Variants in GPI observed in about 807,000 individuals in gnomAD.
The protein encoded by GPI is glucose-6-phosphate isomerase.
A neutral mutation model predicts 75.8 loss-of-function variants in GPI; 56 were observed. The observed-to-expected ratio is 0.74, with a 90% CI of 0.60 to 0.92. GPI has a LOEUF of 0.92. GPI is among the 40% of genes least tolerant of loss of function. The pLI is 0.00. For synonymous variants in GPI, 288 were observed against 285.4 expected, an observed-to-expected ratio of 1.01 and a Z score of -0.09; for missense variants, 638 against 741.0, an observed-to-expected ratio of 0.86 and a Z score of 1.61.
intron 9 of GPI, among the ~76,000 whole-genome samples, chr19:34,387,110 G>T (rs1203010215): frequency 6.6e-6 from 1 of 152,226 alleles, no homozygotes; most frequent in African/African-American, 2.4e-5. Flanking sequence ...AGGGAACCGG[G>T]TCTGTCAGTC....
At position 34,393,491 on chromosome 19, in the gene GPI, T is replaced by C. The variant is rs2074896740; in HGVS notation, c.865+183T>C. 2 of 729,284 alleles carry C rather than the reference T, an allele frequency of 2.7e-6. No homozygotes were observed. Among genetic ancestry groups the C allele is most frequent in the East Asian group, 2.7e-5 (1 of 37,362 alleles). 45.2% of individuals were successfully genotyped at this position (729,284 alleles called of 1,614,324 possible). On this transcript the variant is annotated intron_variant, in intron 10 of 17. Transcript: ENST00000356487. The surrounding 1 kb of genome is among the most constrained non-coding windows in gnomAD (Gnocchi z 4.4). ...TCTGGGTTTTTTTGCGTGTGCAAGT[T>C]GGCCCCCGTCTTTGCCCCTCACAAC...
At position 34,368,629 on chromosome 19, in the gene GPI, C is replaced by G; in HGVS notation, c.329C>G (p.Pro110Arg). 1 of 1,613,946 alleles carries G rather than the reference C, an allele frequency of 6.2e-7. No individual in the cohort carries two copies. Among genetic ancestry groups the G allele is most frequent in the South Asian group, 1.1e-5 (1 of 91,074 alleles). Residue 110 changes from proline to arginine, a missense_variant, in exon 4 of 18, where the codon CCC (proline) becomes CGC (arginine). Pro to Arg is a moderately radical substitution (Grantham distance 103). Transcript: ENST00000356487. ...HVALRNRSNT[P>R]ILVDGKDVMP... ...GCTCTGCGGAACCGGTCAAACACACCCATCCTGGTAGACGGCAAGGATGTG... is the reference window on the plus strand; with the variant it reads ...GCTCTGCGGAACCGGTCAAACACACGCATCCTGGTAGACGGCAAGGATGTG...
intron 4 of GPI, among the ~76,000 whole-genome samples, chr19:34,369,443 A>G (rs1022819241): frequency 2.0e-5 from 3 of 152,124 alleles, no homozygotes; most frequent in African/African-American, 7.2e-5. Context: ...GCGATGGCTC[A>G]TGCCTGTGAT....
In GPI at chr19:34,400,092, T is replaced by A; in HGVS notation, c.*56T>A. On this transcript the variant is annotated 3_prime_UTR_variant, in exon 18 of 18. Transcript: ENST00000356487. ...CTCCCCTTTCTCTTCTCGTCCCTCC[T>A]CCCCGGAGCCGGCACTGCATGTTCC... The A allele has an allele frequency of 6.3e-7, 1 of 1,579,156 alleles. No homozygotes were observed. Among genetic ancestry groups the A allele is most frequent in the Non-Finnish European group, 8.6e-7 (1 of 1,160,990 alleles).
chr19:34,366,052 C>T (rs1400270404), intron 1 of GPI: 1 of 632,510 alleles, frequency 1.6e-6, no homozygotes, highest in Admixed American at 2.1e-5. Context: ...GAGTAACTTA[C>T]GGCAGAAAGT....
At chr19:34,397,729 A>T (rs940199766) in intron 14 of GPI, 3 of 149,962 alleles carry the variant, frequency 2.0e-5, no homozygotes, top group Non-Finnish European at 4.4e-5. Context: ...CTGGTCTCCA[A>T]CTCCTGGGCT....
chr19:34,386,868 C>G lies in GPI; in HGVS notation c.804+5349C>G, dbSNP rs142585929. 6.4e-3 allele frequency among the ~76,000 whole-genome samples: 978 copies of G among 151,932 alleles called. 8 individuals are homozygous for G. The highest frequency in any genetic ancestry group is 0.046 in the South Asian group (219 of 4,804). On this transcript the variant is annotated intron_variant, in intron 9 of 17. Coordinates refer to ENST00000356487, the MANE Select transcript of GPI (RefSeq NM_000175.5). ...GTGGGTTAGTCACAAGTTGGTAGAA[C>G]TACGCATCTCAGCTGGGGAGCACAG...
Position 34,381,363 on chromosome 19 carries a change from G to A in GPI, c.751-103G>A, listed in dbSNP as rs539695075. Reference sequence around the variant, plus strand: ...CATCCCTGGCTCTGGGGAAGGTGAGGCTCAGCTCACGGAGCACAGCTCCCT... The same window carrying A: ...CATCCCTGGCTCTGGGGAAGGTGAGACTCAGCTCACGGAGCACAGCTCCCT... On this transcript the variant is annotated intron_variant, in intron 8 of 17. Coordinates refer to ENST00000356487, the MANE Select transcript of GPI (RefSeq NM_000175.5). 14 of 829,832 alleles carry A rather than the reference G, an allele frequency of 1.7e-5. No individual in the cohort carries two copies. In the Admixed American group the frequency reaches 1.7e-4, roughly 10 times the overall value. The allele number at this position is 829,832 out of a possible 1,614,324, so 51.4% of individuals were successfully genotyped here. A position where few individuals can be genotyped will look rare whatever the true frequency, so the allele number is the denominator to read the frequency against.
At chr19:34,380,259 G>A (rs1008606937) in intron 8 of GPI, among the ~76,000 whole-genome samples, 1 of 151,370 alleles carries the variant, frequency 6.6e-6, no homozygotes, top group African/African-American at 2.4e-5. Context: ...GCCTCCCAAA[G>A]TGCTGGGATT....
At chr19:34,371,820 A>G (rs1231872594) in intron 4 of GPI, among the ~76,000 whole-genome samples, 2 of 150,376 alleles carry the variant, frequency 1.3e-5, no homozygotes, top group Non-Finnish European at 3.0e-5. Flanking sequence ...ACGCCACTGC[A>G]CTCCAGCTTG....
chr19:34,379,109 A>G, intron 7 of GPI, 104 bp downstream of exon 7: 2 of 1,018,476 alleles, frequency 2.0e-6, no homozygotes, highest in South Asian at 1.3e-5. Flanking sequence ...TGAAGTTGGA[A>G]GTGAAGGCGG....
chr19:34,396,032 G>A (rs899075261), intron 12 of GPI, among the ~76,000 whole-genome samples: 10 of 149,030 alleles, frequency 6.7e-5, no homozygotes, highest in South Asian at 4.4e-4. Context: ...TCCGCCTCCC[G>A]GGTTCAAGCG....
intron 15 of GPI, 109 bp from the exon 16 acceptor site, chr19:34,399,447 C>A: frequency 6.4e-7 from 1 of 1,565,516 alleles, no homozygotes; most frequent in Non-Finnish European, 8.8e-7. Context: ...AATGGGAGGG[C>A]CTGTCCTCAC....
intron 15 of GPI, 72 bp downstream of exon 15, chr19:34,399,407 G>A: frequency 6.3e-6 from 10 of 1,594,656 alleles, no homozygotes; most frequent in African/African-American, 1.3e-5. Flanking sequence ...ACCAGGCAGG[G>A]GCTTGGGGCG....
upstream of GPI, chr19:34,359,978 A>C (rs575593627): frequency 2.0e-5 from 3 of 152,340 alleles, no homozygotes; most frequent in East Asian, 5.8e-4. Flanking sequence ...AATCTTTGCT[A>C]TCCAGAGTTA....
rs544553491 is a variant in GPI at position 34,400,266 on chromosome 19, C to A, written c.*230C>A. 11 of 612,328 alleles carry A rather than the reference C, an allele frequency of 1.8e-5. No individual in the cohort carries two copies. The East Asian group carries it at 1.9e-4, about 11-fold the overall frequency. The allele number at this position is 612,328 out of a possible 1,614,324, so 37.9% of individuals were successfully genotyped here. A position where few individuals can be genotyped will look rare whatever the true frequency, so the allele number is the denominator to read the frequency against. On this transcript the variant is annotated 3_prime_UTR_variant, in exon 18 of 18. Transcript: ENST00000356487. ...GGCTGAAGTGTTTTTGTGCAGCTGACTTTTCTGACCCATGTTCACGTTGTT... is the reference window on the plus strand; with the variant it reads ...GGCTGAAGTGTTTTTGTGCAGCTGAATTTTCTGACCCATGTTCACGTTGTT...
intron 4 of GPI, among the ~76,000 whole-genome samples, chr19:34,376,393 T>C (rs2074536462): frequency 6.6e-6 from 1 of 151,870 alleles, no homozygotes; most frequent in Non-Finnish European, 1.5e-5. Flanking sequence ...CCATCTCTAC[T>C]GGAAATACTA....
At chr19:34,379,959 A>C in intron 8 of GPI, 2 of 205,228 alleles carry the variant, frequency 9.7e-6, no homozygotes, top group East Asian at 1.3e-4. Flanking sequence ...GGGAGGTGAC[A>C]TTTTGCCCCC....
chr19:34,399,044 C>T (rs2074983788), intron 14 of GPI, 163 bp from the exon 15 acceptor site: 1 of 592,752 alleles, frequency 1.7e-6, no homozygotes, highest in African/African-American at 1.9e-5. Context: ...TCACTGTTCC[C>T]TGCCTTGTGG....
Sources: allele counts gnomAD v4.1 joint callset (sites outside exome capture counted in the v4.1 genomes callset), GRCh38; gene constraint gnomAD v4.1.1; non-coding constraint Gnocchi (gnomAD v3.1); transcripts MANE v1.5; gene names NCBI Gene and HGNC (gene_info 2026-07-23, HGNC 2026-07-21).